Variants in NPAS3 observed in about 807,000 individuals in gnomAD.
The protein encoded by NPAS3 is neuronal PAS domain protein 3.
NPAS3 carries 14 observed loss-of-function variants against 73.1 expected under a neutral mutation model. The ratio of observed to expected loss-of-function variants is 0.19; its 90% CI spans 0.13 to 0.30. The LOEUF is 0.30. NPAS3 is among the 10% of genes least tolerant of loss of function. The pLI is 1.00. For missense variants in NPAS3, 1,096 were observed against 1,250.0 expected, an observed-to-expected ratio of 0.88 and a Z score of 1.86; for synonymous variants, 620 against 541.5, an observed-to-expected ratio of 1.14 and a Z score of -2.01.
intron 10 of NPAS3, among the ~76,000 whole-genome samples, chr14:33,794,754 T>C (rs992323908): frequency 5.3e-5 from 8 of 152,088 alleles, no homozygotes; most frequent in Non-Finnish European, 1.0e-4. Flanking sequence ...TCTCTCCCCT[T>C]CCCAGTCTAC....
At chr14:33,414,442 G>A (rs376437287) in intron 4 of NPAS3, among the ~76,000 whole-genome samples, 94 of 151,688 alleles carry the variant, frequency 6.2e-4, no homozygotes, top group African/African-American at 2.2e-3. Context: ...TATCATGAGC[G>A]GTTCAAAGAA....
At chr14:33,588,836 C>T (rs1306496521) in intron 5 of NPAS3, among the ~76,000 whole-genome samples, 11 of 152,118 alleles carry the variant, frequency 7.2e-5, no homozygotes, top group South Asian at 2.1e-4. Context: ...AAGCTGGTTT[C>T]GAACTCCTGA....
At chr14:33,144,870 A>G (rs2044182102) in intron 2 of NPAS3, among the ~76,000 whole-genome samples, 1 of 152,222 alleles carries the variant, frequency 6.6e-6, no homozygotes, top group African/African-American at 2.4e-5. Context: ...CTAGGATTAT[A>G]GGTGTGAGCC....
In NPAS3 at chr14:33,122,707, C is replaced by T. The variant is rs549026550; in HGVS notation, c.140+66713C>T. Among the ~76,000 whole-genome samples the T allele has an allele frequency of 2.2e-4, 33 of 152,160 alleles. No homozygotes were observed. The South Asian group carries it at 2.9e-3, about 13-fold the overall frequency. On this transcript the variant is annotated intron_variant, in intron 2 of 11. Transcript: ENST00000356141. ...CAAATGTTTAATTGCCTACAGGTTTCACTCTTAACACAAAGCTTGGTAGGT... is the reference window on the plus strand; with the variant it reads ...CAAATGTTTAATTGCCTACAGGTTTTACTCTTAACACAAAGCTTGGTAGGT...
intron 4 of NPAS3, among the ~76,000 whole-genome samples, chr14:33,489,043 T>C (rs965859481): frequency 6.6e-6 from 1 of 152,208 alleles, no homozygotes; most frequent in Non-Finnish European, 1.5e-5. Flanking sequence ...ACAAAACTGC[T>C]AAATTTAGCT....
intron 6 of NPAS3, among the ~76,000 whole-genome samples, chr14:33,676,815 AT>A (rs1230705845): frequency 6.6e-6 from 1 of 152,142 alleles, no homozygotes; most frequent in African/African-American, 2.4e-5. Context: ...TGGTTTCTTT[AT>A]TTTTTTAAAG....
At chr14:33,087,056 A>G (rs751512428) in intron 2 of NPAS3, among the ~76,000 whole-genome samples, 7 of 150,832 alleles carry the variant, frequency 4.6e-5, no homozygotes, top group Non-Finnish European at 8.9e-5. Context: ...TAAATGTGGC[A>G]GCAGAACATA....
rs78732311 is a variant in NPAS3 at position 33,590,787 on chromosome 14, G to A, written c.558+30577G>A. ...GTTTCCCTGGCTTTCTCTGGATCCA[G>A]GTGGCTCAGGATGAGCTCACAAATA... On this transcript the variant is annotated intron_variant, in intron 5 of 11. Coordinates refer to ENST00000356141, the Ensembl canonical transcript of NPAS3. Among the ~76,000 whole-genome samples, 2,015 of 152,196 alleles carry A rather than the reference G, an allele frequency of 0.013. 108 individuals are homozygous for A. In the East Asian group the frequency reaches 0.19, roughly 15 times the overall value.
intron 3 of NPAS3, among the ~76,000 whole-genome samples, chr14:33,320,252 C>A (rs1019897799): frequency 2.6e-5 from 4 of 152,104 alleles, no homozygotes; most frequent in African/African-American, 9.7e-5. Flanking sequence ...AGAGGGCTGA[C>A]AATCTGGCTT....
chr14:33,573,366 G>C (rs2056305047), intron 5 of NPAS3, among the ~76,000 whole-genome samples: 1 of 152,092 alleles, frequency 6.6e-6, no homozygotes, highest in Non-Finnish European at 1.5e-5. Context: ...CCTTAGACAT[G>C]GCAACCAAGC....
At chr14:33,694,273 G>A (rs542611883) in intron 6 of NPAS3, among the ~76,000 whole-genome samples, 21 of 152,268 alleles carry the variant, frequency 1.4e-4, no homozygotes, top group Non-Finnish European at 2.8e-4. Context: ...TCTAAGAAAT[G>A]ATATGTGTTA....
intron 4 of NPAS3, among the ~76,000 whole-genome samples, chr14:33,377,023 C>G (rs989730735): frequency 6.6e-6 from 1 of 152,154 alleles, no homozygotes; most frequent in Non-Finnish European, 1.5e-5. Context: ...AATATAAGAA[C>G]ATTATCAATA....
chr14:33,165,408 A>G (rs1265376361), intron 2 of NPAS3, among the ~76,000 whole-genome samples: 1 of 151,930 alleles, frequency 6.6e-6, no homozygotes, highest in Non-Finnish European at 1.5e-5. Context: ...TGGGATTTCT[A>G]TGGGGACTAC....
intron 4 of NPAS3, among the ~76,000 whole-genome samples, chr14:33,411,548 T>C (rs1843244474): frequency 6.6e-6 from 1 of 152,188 alleles, no homozygotes; most frequent in African/African-American, 2.4e-5. Context: ...AAGCCAGGGT[T>C]ACTGTTAAAT....
intron 2 of NPAS3, among the ~76,000 whole-genome samples, chr14:33,157,264 G>C (rs768245713): frequency 2.6e-5 from 4 of 152,132 alleles, no homozygotes; most frequent in Admixed American, 6.5e-5. Context: ...TATTTTGCAG[G>C]TTACTTACAA....
intron 4 of NPAS3, among the ~76,000 whole-genome samples, chr14:33,387,326 A>G (rs1383592257): frequency 3.9e-5 from 6 of 152,084 alleles, no homozygotes. Context: ...ACTGGGCCCT[A>G]GTGAAGAAAA....
chr14:33,346,244 A>T (rs916455574), intron 3 of NPAS3, among the ~76,000 whole-genome samples: 3 of 141,602 alleles, frequency 2.1e-5, no homozygotes, highest in African/African-American at 8.0e-5. Context: ...AAAAAAGTTG[A>T]TTCCGGTGGT....
intron 3 of NPAS3, among the ~76,000 whole-genome samples, chr14:33,260,395 C>A (rs2048931959): frequency 6.6e-6 from 1 of 151,752 alleles, no homozygotes; most frequent in Admixed American, 6.6e-5. Context: ...TCGCTCCTGT[C>A]ATTCTACAAT....
chr14:33,666,567 G>T (rs1281246992), intron 5 of NPAS3, among the ~76,000 whole-genome samples: 1 of 152,204 alleles, frequency 6.6e-6, no homozygotes, highest in Non-Finnish European at 1.5e-5. Flanking sequence ...AAATCCTAAA[G>T]GATCTGGAGA....
Sources: allele counts gnomAD v4.1 joint callset (sites outside exome capture counted in the v4.1 genomes callset), GRCh38; gene constraint gnomAD v4.1.1; transcripts MANE v1.5; gene names NCBI Gene and HGNC (gene_info 2026-07-23, HGNC 2026-07-21).